PTPN13: variants seen among roughly 807,000 people sequenced by gnomAD.
PTPN13 encodes tyrosine-protein phosphatase non-receptor type 13.
In PTPN13, 191 loss-of-function variants were observed where a neutral mutation model predicts 284.0. The ratio of observed to expected loss-of-function variants is 0.67; its 90% CI spans 0.60 to 0.76. The LOEUF (loss-of-function observed/expected upper bound fraction) is 0.76, where lower values mean the gene tolerates loss of function less well. PTPN13 is among the 30% of genes least tolerant of loss of function. The pLI is 0.00. For synonymous variants in PTPN13, 986 were observed against 1,022.3 expected (o/e 0.96, Z 0.68); for missense variants, 2,797 against 2,939.9 (o/e 0.95, Z 1.12).
At chr4:86,750,061 C>T (rs1440177443) in intron 17 of PTPN13, among the ~76,000 whole-genome samples, 2 of 152,164 alleles carry the variant, frequency 1.3e-5, no homozygotes, top group Non-Finnish European at 2.9e-5. Context: ...ATCTAGGTTT[C>T]GTCTCTCCCT....
chr4:86,666,428 T>C (rs1727087371), intron 2 of PTPN13, among the ~76,000 whole-genome samples: 1 of 152,096 alleles, frequency 6.6e-6, no homozygotes, highest in Non-Finnish European at 1.5e-5. Context: ...TCTCTCTCTT[T>C]AGAAGAGCAG....
At chr4:86,735,236 G>A (rs1248883329) in intron 14 of PTPN13, among the ~76,000 whole-genome samples, 1 of 152,152 alleles carries the variant, frequency 6.6e-6, no homozygotes, top group East Asian at 1.9e-4. Flanking sequence ...CTTACTGTGT[G>A]GAGAACTCAC....
At chr4:86,638,406 T>C (rs535591215) in intron 2 of PTPN13, among the ~76,000 whole-genome samples, 18 of 152,280 alleles carry the variant, frequency 1.2e-4, no homozygotes, top group Non-Finnish European at 2.5e-4. Flanking sequence ...GCTGGAGGCA[T>C]CACGCTACCT....
chr4:86,776,424 A>G (rs1331773890), intron 35 of PTPN13, among the ~76,000 whole-genome samples: 2 of 152,224 alleles, frequency 1.3e-5, no homozygotes, highest in African/African-American at 4.8e-5. Flanking sequence ...ACCACATCAC[A>G]TCACCTAGAG....
chr4:86,793,387 T>G (rs1389362948), intron 40 of PTPN13, among the ~76,000 whole-genome samples: 2 of 152,154 alleles, frequency 1.3e-5, no homozygotes, highest in Non-Finnish European at 2.9e-5. Flanking sequence ...AGACTTGGAC[T>G]CCTACACAAT....
intron 25 of PTPN13, 54 bp downstream of exon 25, chr4:86,764,778 T>G (rs774364255): frequency 3.2e-6 from 5 of 1,542,176 alleles, no homozygotes; most frequent in South Asian, 1.3e-5. Flanking sequence ...TCCAGCAGCC[T>G]ATTGTATGTC....
chr4:86,745,277 G>A (rs1385582614), intron 17 of PTPN13, 149 bp downstream of exon 17: 1 of 766,954 alleles, frequency 1.3e-6, no homozygotes, highest in Non-Finnish European at 2.0e-6. Flanking sequence ...GGTGTTACAA[G>A]TGAAGCCAAT....
intron 1 of PTPN13, among the ~76,000 whole-genome samples, chr4:86,625,519 T>A (rs1035891245): frequency 1.3e-5 from 2 of 152,152 alleles, no homozygotes; most frequent in African/African-American, 4.8e-5. Flanking sequence ...CATTGATTTA[T>A]CCTCTCACCT....
At chr4:86,732,341 T>C in intron 10 of PTPN13, 59 bp from the exon 11 acceptor site, 1 of 1,315,928 alleles carries the variant, frequency 7.6e-7, no homozygotes, top group Non-Finnish European at 1.0e-6. Flanking sequence ...ATTTTTCCTT[T>C]CAAGGAAAAA....
At chr4:86,742,138 C>A (rs1736232840) in intron 16 of PTPN13, among the ~76,000 whole-genome samples, 1 of 152,136 alleles carries the variant, frequency 6.6e-6, no homozygotes, top group Non-Finnish European at 1.5e-5. Context: ...ATGGAGAAAT[C>A]CTCCTAATGT....
intron 2 of PTPN13, among the ~76,000 whole-genome samples, chr4:86,646,734 CTG>C (rs1478591717): frequency 6.6e-6 from 1 of 152,244 alleles, no homozygotes; most frequent in Non-Finnish European, 1.5e-5. Context: ...AGAGATGAAA[CTG>C]TGTGTCCATA....
rs1737561020 is a variant in PTPN13, at chr4:86,753,007, A to G, written c.3167-2A>G. On this transcript the variant is annotated splice_acceptor_variant, in intron 19 of 47. Transcript: ENST00000411767. LOFTEE classifies it high-confidence loss of function. ...ATGTCTAATATTTAATTTATGCCAC[A>G]GGAATGACTATGCATAGTTCTGGAA... 6.2e-7 allele frequency: 1 copy of G among 1,600,466 alleles called. No homozygotes were observed. The highest frequency in any genetic ancestry group is 8.5e-7 in the Non-Finnish European group (1 of 1,170,204).
chr4:86,790,962 A>T (rs1437246824), intron 40 of PTPN13, among the ~76,000 whole-genome samples: 1 of 152,082 alleles, frequency 6.6e-6, no homozygotes, highest in Non-Finnish European at 1.5e-5. Context: ...TTTCCAACTG[A>T]GGTGCCTGGT....
intron 40 of PTPN13, among the ~76,000 whole-genome samples, chr4:86,790,828 T>A (rs1400980404): frequency 6.6e-6 from 1 of 152,158 alleles, no homozygotes; most frequent in East Asian, 1.9e-4. Flanking sequence ...AAGATTCAAT[T>A]GTATAATTTA....
chr4:86,637,660 G>T (rs1467792516), intron 2 of PTPN13, among the ~76,000 whole-genome samples: 1 of 150,152 alleles, frequency 6.7e-6, no homozygotes, highest in Non-Finnish European at 1.5e-5. Flanking sequence ...CAATAAATTA[G>T]GTATTGATGG....
chr4:86,731,911 G>A (rs948374790), intron 10 of PTPN13, among the ~76,000 whole-genome samples: 7 of 152,154 alleles, frequency 4.6e-5, no homozygotes, highest in African/African-American at 1.7e-4. Flanking sequence ...CAAGGCATTG[G>A]GATTAGTTGT....
In PTPN13 at chr4:86,769,883, A is replaced by T; in HGVS notation, c.4604A>T (p.Lys1535Met). The T allele has an allele frequency of 6.2e-7, 1 of 1,613,978 alleles. No individual in the cohort carries two copies. ...AATGCCAGCATAGTAAGGGTTAAAAAGCTCTTTCCTGGACAGCCAGCAGCA... is the reference window on the plus strand; with the variant it reads ...AATGCCAGCATAGTAAGGGTTAAAATGCTCTTTCCTGGACAGCCAGCAGCA... ...QINASIVRVK[K>M]LFPGQPAAES... is the part of the protein sequence containing the mutation. The change falls in exon 29 of 48, where the codon AAG becomes ATG. Residue 1535 changes from lysine (K) to methionine (M), a missense_variant. Lys to Met is a moderately conservative substitution (Grantham distance 95). Coordinates refer to ENST00000411767, the MANE Select transcript of PTPN13 (RefSeq NM_080683.3).
chr4:86,704,234 C>G (rs1731479829), intron 7 of PTPN13, among the ~76,000 whole-genome samples: 1 of 151,934 alleles, frequency 6.6e-6, no homozygotes, highest in Non-Finnish European at 1.5e-5. Flanking sequence ...ATCTAAGTTT[C>G]AAAACATTAC....
intron 35 of PTPN13, among the ~76,000 whole-genome samples, chr4:86,777,771 CT>C (rs1455822330): frequency 4.6e-5 from 7 of 152,090 alleles, no homozygotes; most frequent in Middle Eastern, 3.4e-3. Flanking sequence ...AGATTGTGTA[CT>C]TTTTTTTCCC....
Sources: allele counts gnomAD v4.1 joint callset (sites outside exome capture counted in the v4.1 genomes callset), GRCh38; gene constraint gnomAD v4.1.1; transcripts MANE v1.5; gene names NCBI Gene and HGNC (gene_info 2026-07-23, HGNC 2026-07-21).